Variants in FAM171B observed in about 807,000 individuals in gnomAD.
FAM171B encodes the protein family with sequence similarity 171 member B, also known as protein FAM171B.
FAM171B carries 19 observed loss-of-function variants against 75.6 expected under a neutral mutation model. The observed-to-expected ratio is 0.25, with a 90% confidence interval of 0.18 to 0.37. The LOEUF (loss-of-function observed/expected upper bound fraction) is 0.37. Ranked by LOEUF, FAM171B falls within the 10% of genes least tolerant of loss-of-function variation. The probability of loss-of-function intolerance (pLI) is 1.00; values close to 1 mark genes in which losing one functional copy is unlikely to be tolerated. For missense variants in FAM171B, 848 were observed against 982.4 expected (o/e 0.86, Z 1.83); for synonymous variants, 367 against 361.7 (o/e 1.01, Z -0.17).
intron 4 of FAM171B, among the ~76,000 whole-genome samples, chr2:186,748,973 T>C (rs1690412316): frequency 6.6e-6 from 1 of 152,164 alleles, no homozygotes; most frequent in African/African-American, 2.4e-5. Context: ...ATGAACTGTT[T>C]CCCAACACTC....
At chr2:186,697,877 A>G (rs916457410) in intron 1 of FAM171B, among the ~76,000 whole-genome samples, 1 of 152,204 alleles carries the variant, frequency 6.6e-6, no homozygotes, top group Non-Finnish European at 1.5e-5. Flanking sequence ...ATTAAAAAAA[A>G]ACTTGAATGT....
intron 4 of FAM171B, among the ~76,000 whole-genome samples, chr2:186,749,241 C>T (rs1362331008): frequency 2.0e-5 from 3 of 152,022 alleles, no homozygotes; most frequent in African/African-American, 2.4e-5. Context: ...TTCTGTTCTC[C>T]TTCTCATTGT....
At chr2:186,696,507 A>G (rs1256967754) in intron 1 of FAM171B, among the ~76,000 whole-genome samples, 1 of 142,522 alleles carries the variant, frequency 7.0e-6, no homozygotes. Flanking sequence ...CACTCCTCCA[A>G]TGGCTTCCCG....
At position 186,710,488 on chromosome 2, in the gene FAM171B, TTC is replaced by T. The variant is rs576327951; in HGVS notation, c.238+16079_238+16080del. ...TTGGAGGGCATGGAATCTTCATTGA[TTC>T]TGTCTTCTCCCTCTTTTTTAAGTGT... is the stretch of plus-strand genomic sequence containing the variant. On this transcript the variant is annotated intron_variant, in intron 1 of 7. Coordinates refer to ENST00000304698, the MANE Select transcript of FAM171B (RefSeq NM_177454.4). Among the ~76,000 whole-genome samples the T allele has an allele frequency of 8.4e-4, 128 of 152,348 alleles. 1 individual carries two copies. Among genetic ancestry groups the T allele is most frequent in the Admixed American group, 3.8e-3 (58 of 15,298 alleles).
Position 186,762,367 on chromosome 2 carries a change from G to A in FAM171B, c.2025G>A (p.Val675=). Reference sequence around the variant, plus strand: ...CCCCGCATCCCAGAGCCTGGTTTGTGTCTCTTGATGGAAAGCCAGTTGCAC... The same window carrying A: ...CCCCGCATCCCAGAGCCTGGTTTGTATCTCTTGATGGAAAGCCAGTTGCAC... ...KPSPHPRAWF[V]SLDGKPVAQV... is the part of the protein sequence containing the mutation. Residue 675 remains valine, a synonymous_variant, in exon 8 of 8, where the codon GTG becomes GTA. Coordinates refer to ENST00000304698, the MANE Select transcript of FAM171B (RefSeq NM_177454.4). This position sits in a 1 kb window ranked among gnomAD's most constrained non-coding sequence, Gnocchi z 4.0. 1 of 1,613,698 alleles carries A rather than the reference G, an allele frequency of 6.2e-7. No individual in the cohort carries two copies. The highest frequency in any genetic ancestry group is 8.5e-7 in the Non-Finnish European group (1 of 1,179,776).
At chr2:186,732,912 T>G (rs902571163) in intron 1 of FAM171B, among the ~76,000 whole-genome samples, 1 of 152,226 alleles carries the variant, frequency 6.6e-6, no homozygotes, top group African/African-American at 2.4e-5. Flanking sequence ...AGGAAGCTGC[T>G]GATCACCAGT....
At chr2:186,738,500 C>T (rs948824585) in intron 1 of FAM171B, among the ~76,000 whole-genome samples, 2 of 151,688 alleles carry the variant, frequency 1.3e-5, no homozygotes, top group African/African-American at 2.4e-5. Flanking sequence ...GAAAAAGAAC[C>T]GTTCAGTTGG....
At position 186,751,188 on chromosome 2, in the gene FAM171B, C is replaced by G; in HGVS notation, c.779C>G (p.Ser260Cys). The change falls in exon 5 of 8, where the codon TCT becomes TGT. Residue 260 changes from serine to cysteine, a missense_variant. Around this residue, in one of 3 missense-constraint regions of FAM171B, gnomAD observed 665 missense variants for 729.0 expected, o/e 0.91. Transcript: ENST00000304698. The part of the protein sequence containing the change: ...PLAAICVKIY[S>C]GGKELKVNGS... Reference sequence around the variant, plus strand: ...GCTGCAATATGTGTGAAAATATATTCTGGAGGAAAAGAACTAAAGGTCAAT... The same window carrying G: ...GCTGCAATATGTGTGAAAATATATTGTGGAGGAAAAGAACTAAAGGTCAAT... 6.2e-7 allele frequency: 1 copy of G among 1,610,926 alleles called. No individual in the cohort carries two copies. Among genetic ancestry groups the G allele is most frequent in the Non-Finnish European group, 8.5e-7 (1 of 1,177,956 alleles).
At chr2:186,716,980 C>A (rs2105777286) in intron 1 of FAM171B, among the ~76,000 whole-genome samples, 1 of 152,250 alleles carries the variant, frequency 6.6e-6, no homozygotes, top group South Asian at 2.1e-4. Flanking sequence ...CAGGTGCTGT[C>A]ATTGTCCTCA....
intron 1 of FAM171B, chr2:186,695,370 G>C (rs1689564906): frequency 6.6e-6 from 1 of 152,086 alleles, no homozygotes; most frequent in African/African-American, 2.4e-5. Context: ...ATTCTTGTCT[G>C]CTATTTGGAA....
chr2:186,727,579 G>T (rs189594161), intron 1 of FAM171B, among the ~76,000 whole-genome samples: 1 of 151,840 alleles, frequency 6.6e-6, no homozygotes, highest in Non-Finnish European at 1.5e-5. Flanking sequence ...CTGCGTTCCA[G>T]TAAAAGTTTA....
chr2:186,701,715 T>G (rs1386075443), intron 1 of FAM171B, among the ~76,000 whole-genome samples: 2 of 152,240 alleles, frequency 1.3e-5, no homozygotes, highest in Non-Finnish European at 1.5e-5. Flanking sequence ...TTGGTATTGA[T>G]AACAGGTTGA....
intron 1 of FAM171B, among the ~76,000 whole-genome samples, chr2:186,726,033 A>G (rs1690027613): frequency 6.6e-6 from 1 of 152,156 alleles, no homozygotes. Flanking sequence ...ATTGTGTGCT[A>G]GTTCTTAAGT....
At chr2:186,737,002 A>G (rs1690212272) in intron 1 of FAM171B, among the ~76,000 whole-genome samples, 1 of 152,202 alleles carries the variant, frequency 6.6e-6, no homozygotes, top group Non-Finnish European at 1.5e-5. Context: ...TACCAATCAC[A>G]TTAAGTGATA....
At chr2:186,735,304 C>T (rs114455781) in intron 1 of FAM171B, among the ~76,000 whole-genome samples, 4,036 of 152,210 alleles carry the variant, frequency 0.027, 182 homozygotes, top group African/African-American at 0.091. Flanking sequence ...TCAAAGCTGT[C>T]CTCTTGAGCT....
At chr2:186,738,572 TCTCA>T (rs554392275) in intron 1 of FAM171B, among the ~76,000 whole-genome samples, 31 of 152,052 alleles carry the variant, frequency 2.0e-4, no homozygotes, top group Middle Eastern at 6.8e-3. Flanking sequence ...AGATAGAAGT[TCTCA>T]CTCTGGTCGT....
intron 5 of FAM171B, 93 bp downstream of exon 5, chr2:186,751,397 T>G (rs531643989): frequency 8.7e-7 from 1 of 1,148,324 alleles, no homozygotes; most frequent in Non-Finnish European, 1.2e-6. Flanking sequence ...ACAGCTCTAG[T>G]TTTTTAGTAA....
intron 5 of FAM171B, among the ~76,000 whole-genome samples, chr2:186,752,736 A>C (rs1029085747): frequency 6.6e-6 from 1 of 152,224 alleles, no homozygotes; most frequent in Non-Finnish European, 1.5e-5. Context: ...CAATAGATTA[A>C]ATTATTCTCA....
intron 1 of FAM171B, among the ~76,000 whole-genome samples, chr2:186,730,396 C>CATGT (rs1201423134): frequency 2.6e-5 from 4 of 152,146 alleles, no homozygotes; most frequent in Admixed American, 6.5e-5. Context: ...CACAAGTAAA[C>CATGT]ATGTATGTAT....
Sources: allele counts gnomAD v4.1 joint callset (sites outside exome capture counted in the v4.1 genomes callset), GRCh38; gene constraint gnomAD v4.1.1; regional missense constraint gnomAD v4.1.1; non-coding constraint Gnocchi (gnomAD v3.1); transcripts MANE v1.5; gene names NCBI Gene and HGNC (gene_info 2026-07-23, HGNC 2026-07-21).